Variants in PSD3 observed in about 807,000 individuals in gnomAD.
The protein encoded by PSD3 is pleckstrin and Sec7 domain containing 3.
A neutral mutation model predicts 105.5 loss-of-function variants in PSD3; 49 were observed. That is an observed-to-expected ratio of 0.46 (90% CI 0.37 to 0.59). PSD3 has a LOEUF of 0.59. PSD3 is among the 20% of genes least tolerant of loss of function. The pLI is 0.00. For synonymous variants in PSD3, 557 were observed against 457.8 expected (o/e 1.22, Z -2.77); for missense variants, 1,561 against 1,263.8 (o/e 1.24, Z -3.57).
intron 2 of PSD3, among the ~76,000 whole-genome samples, chr8:18,881,080 T>C (rs60671877): frequency 6.6e-6 from 1 of 152,244 alleles, no homozygotes; most frequent in African/African-American, 2.4e-5. Flanking sequence ...AGAGACTTTA[T>C]CTGCGGCTTT....
At chr8:18,625,455 T>C (rs950431391) in intron 11 of PSD3, among the ~76,000 whole-genome samples, 1 of 152,100 alleles carries the variant, frequency 6.6e-6, no homozygotes, top group Non-Finnish European at 1.5e-5. Flanking sequence ...GTGAAAACTA[T>C]GGTCAACCAG....
chr8:18,896,016 C>G (rs1453419799), intron 2 of PSD3, among the ~76,000 whole-genome samples: 2 of 152,320 alleles, frequency 1.3e-5, no homozygotes, highest in South Asian at 2.1e-4. Flanking sequence ...TACTCTACTT[C>G]TATGAGATCA....
chr8:18,663,010 A>G (rs1809469443), intron 9 of PSD3, among the ~76,000 whole-genome samples: 1 of 152,204 alleles, frequency 6.6e-6, no homozygotes, highest in Non-Finnish European at 1.5e-5. Context: ...TTTCTGAGCT[A>G]CAACAGTTTG....
chr8:18,675,563 A>T (rs562955051), intron 9 of PSD3, among the ~76,000 whole-genome samples: 1 of 152,268 alleles, frequency 6.6e-6, no homozygotes, highest in African/African-American at 2.4e-5. Context: ...CTAGAGCCTC[A>T]GCCAGCCCGT....
At chr8:18,899,160 T>C (rs1646658759) in intron 2 of PSD3, among the ~76,000 whole-genome samples, 2 of 152,192 alleles carry the variant, frequency 1.3e-5, no homozygotes, top group African/African-American at 4.8e-5. Flanking sequence ...CATCTGGCAC[T>C]AATTTTGAAG....
intron 1 of PSD3, among the ~76,000 whole-genome samples, chr8:18,943,775 C>T (rs1822699278): frequency 6.6e-6 from 1 of 152,096 alleles, no homozygotes; most frequent in African/African-American, 2.4e-5. Flanking sequence ...GGACACCACA[C>T]ACTACTGAAG....
intron 9 of PSD3, among the ~76,000 whole-genome samples, chr8:18,719,800 G>A (rs1355400316): frequency 6.6e-6 from 1 of 152,088 alleles, no homozygotes; most frequent in African/African-American, 2.4e-5. Context: ...ATTTTAACCA[G>A]AAAGCTCTGT....
chr8:19,054,399 C>T (rs1828638236), intron 1 of PSD3, among the ~76,000 whole-genome samples: 1 of 151,880 alleles, frequency 6.6e-6, no homozygotes, highest in Admixed American at 6.6e-5. Context: ...CTTTTTGGTG[C>T]CTGGAAGAAC....
chr8:19,047,085 C>T (rs1447877571), intron 1 of PSD3, among the ~76,000 whole-genome samples: 2 of 152,202 alleles, frequency 1.3e-5, no homozygotes, highest in African/African-American at 4.8e-5. Context: ...GCCAGCAGGC[C>T]TCTTATTCCT....
chr8:18,552,845 T>C (rs1800855617), intron 15 of PSD3, among the ~76,000 whole-genome samples: 1 of 152,154 alleles, frequency 6.6e-6, no homozygotes, highest in Admixed American at 6.5e-5. Flanking sequence ...CGCTTAGAGT[T>C]AAGTCAATGA....
chr8:18,619,580 T>A (rs1410584774), intron 11 of PSD3, among the ~76,000 whole-genome samples: 1 of 151,122 alleles, frequency 6.6e-6, no homozygotes, highest in African/African-American at 2.4e-5. Flanking sequence ...GAGGCAGAGG[T>A]TGTAGTGAGC....
At chr8:18,874,278 C>T (rs1346973228) in intron 2 of PSD3, among the ~76,000 whole-genome samples, 1 of 151,976 alleles carries the variant, frequency 6.6e-6, no homozygotes, top group Non-Finnish European at 1.5e-5. Context: ...TCTTCTGCCC[C>T]AGTCTCCAGA....
At chr8:19,013,452 G>T in intron 1 of PSD3, 111 bp downstream of exon 1, 1 of 1,463,830 alleles carries the variant, frequency 6.8e-7, no homozygotes. Flanking sequence ...CACAAACCCA[G>T]GTGGCCCCGG....
chr8:18,543,389 C>T (rs749822305), intron 15 of PSD3, among the ~76,000 whole-genome samples: 10 of 151,938 alleles, frequency 6.6e-5, no homozygotes, highest in African/African-American at 9.7e-5. Context: ...CCGAGGCAGG[C>T]GGATCACGAG....
At chr8:18,760,099 T>G (rs766570201) in intron 9 of PSD3, among the ~76,000 whole-genome samples, 1 of 151,762 alleles carries the variant, frequency 6.6e-6, no homozygotes, top group Admixed American at 6.6e-5. Context: ...AACATTAAGA[T>G]AGAGGAACTT....
chr8:19,076,198 A>G (rs1392114952), intron 1 of PSD3, among the ~76,000 whole-genome samples: 1 of 152,268 alleles, frequency 6.6e-6, no homozygotes, highest in Non-Finnish European at 1.5e-5. Flanking sequence ...GAATTTTTCC[A>G]TGAGCTTTCT....
At chr8:19,034,733 G>A (rs1442876116) in intron 1 of PSD3, among the ~76,000 whole-genome samples, 1 of 152,098 alleles carries the variant, frequency 6.6e-6, no homozygotes, top group South Asian at 2.1e-4. Context: ...CTCCAGACGA[G>A]GCCTTCACAT....
chr8:18,572,750 G>T, intron 13 of PSD3, 78 bp from the exon 14 acceptor site: 1 of 1,479,402 alleles, frequency 6.8e-7, no homozygotes, highest in South Asian at 1.2e-5. Context: ...TCACGTTACT[G>T]ATTTGCAATG....
At chr8:18,560,023 T>C (rs1396978251) in intron 14 of PSD3, among the ~76,000 whole-genome samples, 2 of 152,196 alleles carry the variant, frequency 1.3e-5, no homozygotes, top group African/African-American at 2.4e-5. Context: ...GTCAATAAAG[T>C]AAGCTCAAAA....
Sources: allele counts gnomAD v4.1 joint callset (sites outside exome capture counted in the v4.1 genomes callset), GRCh38; gene constraint gnomAD v4.1.1; transcripts MANE v1.5; gene names NCBI Gene and HGNC (gene_info 2026-07-23, HGNC 2026-07-21).